PCDHGB6: variants seen among roughly 807,000 people sequenced by gnomAD.
PCDHGB6 encodes protocadherin gamma subfamily B, 6, also known as protocadherin gamma-B6.
PCDHGB6 carries 51 observed loss-of-function variants against 59.1 expected under a neutral mutation model. The observed-to-expected ratio is 0.86, with a 90% CI of 0.69 to 1.09. The LOEUF (loss-of-function observed/expected upper bound fraction) is 1.09. PCDHGB6 is among the 50% of genes least tolerant of loss of function. The probability of loss-of-function intolerance (pLI) is 0.00; values close to 1 mark genes in which losing one functional copy is unlikely to be tolerated. For synonymous variants in PCDHGB6, 466 were observed against 495.1 expected (o/e 0.94, Z 0.78); for missense variants, 1,148 against 1,205.1 (o/e 0.95, Z 0.70).
chr5:141,448,928 G>C (rs2098617520), intron 1 of PCDHGB6, among the ~76,000 whole-genome samples: 1 of 152,166 alleles, frequency 6.6e-6, no homozygotes, highest in Non-Finnish European at 1.5e-5. Context: ...CTGGGCGACA[G>C]AGCAAGACTG....
Position 141,489,351 on chromosome 5 carries a change from G to A in PCDHGB6, c.2419-5456G>A, listed in dbSNP as rs2099685862. ...GGCAGCTTCGTTACTCAGTGGTGGAGGAGTCTGAGCCGGGGACGCTGGTGG... is the reference window on the plus strand; with the variant it reads ...GGCAGCTTCGTTACTCAGTGGTGGAAGAGTCTGAGCCGGGGACGCTGGTGG... On this transcript the variant is annotated intron_variant, in intron 1 of 3. Transcript: ENST00000520790. This position sits in a 1 kb window ranked among gnomAD's most constrained non-coding sequence, Gnocchi z 4.5. The A allele has an allele frequency of 6.2e-7, 1 of 1,612,202 alleles. No individual in the cohort carries two copies. The highest frequency in any genetic ancestry group is 1.3e-5 in the African/African-American group (1 of 75,006).
chr5:141,499,570 A>G (rs1027373056), intron 2 of PCDHGB6, among the ~76,000 whole-genome samples: 2 of 152,200 alleles, frequency 1.3e-5, no homozygotes, highest in African/African-American at 4.8e-5. Context: ...TCCAGCTTCA[A>G]CTAATGCCTT....
chr5:141,411,724 A>G (rs2095509404), intron 1 of PCDHGB6: 1 of 152,684 alleles, frequency 6.5e-6, no homozygotes, highest in South Asian at 2.1e-4. Flanking sequence ...GCTACAGAAC[A>G]TTTAAAAATT....
chr5:141,436,277 T>G (rs2097806022), intron 1 of PCDHGB6, among the ~76,000 whole-genome samples: 1 of 152,194 alleles, frequency 6.6e-6, no homozygotes, highest in Non-Finnish European at 1.5e-5. Flanking sequence ...TAACTTGATT[T>G]AGGAACAAAT....
Position 141,478,507 on chromosome 5 carries a change from T to C in PCDHGB6, c.2419-16300T>C, listed in dbSNP as rs781120326. The C allele has an allele frequency of 4.3e-6, 7 of 1,612,048 alleles. No homozygotes were observed. In the East Asian group the frequency reaches 1.3e-4, roughly 31 times the overall value. On this transcript the variant is annotated intron_variant, in intron 1 of 3. Transcript: ENST00000520790. The stretch of plus-strand genomic sequence containing the variant: ...TGCGGAGCTGTGATCCGGTGTTCTA[T>C]AGGCAGGTGTTGGGTGCAGAGAGCG...
rs780310968 is a variant in PCDHGB6 at position 141,414,168 on chromosome 5, T to G, written c.2418+3548T>G. The G allele has an allele frequency of 5.6e-6, 9 of 1,605,598 alleles. No individual in the cohort carries two copies. The African/African-American group carries it at 1.2e-4, about 21-fold the overall frequency. ...TACAAGCAGAAGATGGAGGAGCATA[T>G]CTTGCAACTGCAAAAGTGTTGATTA... On this transcript the variant is annotated intron_variant, in intron 1 of 3. Coordinates refer to ENST00000520790, the MANE Select transcript of PCDHGB6 (RefSeq NM_018926.3).
At chr5:141,478,295 T>C (rs1210224121) in intron 1 of PCDHGB6, 5 of 1,614,004 alleles carry the variant, frequency 3.1e-6, no homozygotes, top group African/African-American at 2.7e-5. Flanking sequence ...TAGAGACCTA[T>C]ACCGAGCCCC....
At chr5:141,482,801 G>C (rs1230060558) in intron 1 of PCDHGB6, among the ~76,000 whole-genome samples, 1 of 152,176 alleles carries the variant, frequency 6.6e-6, no homozygotes, top group African/African-American at 2.4e-5. Flanking sequence ...GCCGGGTACG[G>C]TGGCTCATGC....
intron 2 of PCDHGB6, among the ~76,000 whole-genome samples, chr5:141,497,602 C>T (rs948023459): frequency 2.0e-5 from 3 of 148,260 alleles, no homozygotes; most frequent in East Asian, 2.0e-4. Flanking sequence ...TGCAGTGGTG[C>T]GATCTTGGCT....
chr5:141,438,627 T>TAC (rs2098030812), intron 1 of PCDHGB6, among the ~76,000 whole-genome samples: 3 of 48,012 alleles, frequency 6.2e-5, no homozygotes, highest in Non-Finnish European at 1.0e-4. Flanking sequence ...TATATATATA[T>TAC]ATATATATAC....
At position 141,409,850 on chromosome 5, in the gene PCDHGB6, G is replaced by T. The variant is rs1301108879; in HGVS notation, c.1648G>T (p.Val550Leu). 6.2e-7 allele frequency: 1 copy of T among 1,612,142 alleles called. No homozygotes were observed. Among genetic ancestry groups the T allele is most frequent in the South Asian group, 1.1e-5 (1 of 90,982 alleles). Residue 550 changes from valine to leucine, a missense_variant, in exon 1 of 4, where the codon GTG (valine) becomes TTG (leucine). Coordinates refer to ENST00000520790, the MANE Select transcript of PCDHGB6 (RefSeq NM_018926.3). ...PTLSANVSLR[V>L]LVGDRNDNAP... The stretch of plus-strand genomic sequence containing the variant: ...GCTCAGCGCCAACGTGAGCCTGCGC[G>T]TGTTGGTGGGAGACCGCAATGACAA...
intron 1 of PCDHGB6, chr5:141,419,816 C>T (rs910172118): frequency 1.2e-6 from 2 of 1,614,058 alleles, no homozygotes; most frequent in Non-Finnish European, 8.5e-7. Context: ...AGGACAGCCA[C>T]CCCTTTCAGC....
In PCDHGB6 at chr5:141,423,270, T is replaced by G. The variant is rs1304998648; in HGVS notation, c.2418+12650T>G. 3 of 1,613,686 alleles carry G rather than the reference T, an allele frequency of 1.9e-6. No homozygotes were observed. The African/African-American group carries it at 4.0e-5, about 22-fold the overall frequency. ...TGGCGGACCTCGGCAGCCTCGAGTC[T>G]CTGGCTAACTCTGAAACCTCAGACC... is the stretch of plus-strand genomic sequence containing the variant. On this transcript the variant is annotated intron_variant, in intron 1 of 3. Transcript: ENST00000520790.
rs751318430 is a variant in PCDHGB6 at position 141,485,603 on chromosome 5, G to A, written c.2419-9204G>A. 1 of 1,612,482 alleles carries A rather than the reference G, an allele frequency of 6.2e-7. No homozygotes were observed. The stretch of plus-strand genomic sequence containing the variant: ...GCAGCAGCTGGACTTGGAAATTGGG[G>A]AGGCAGCTCCTCCAGGACAGCGTTT... On this transcript the variant is annotated intron_variant, in intron 1 of 3. Coordinates refer to ENST00000520790, the MANE Select transcript of PCDHGB6 (RefSeq NM_018926.3). This position sits in a 1 kb window ranked among gnomAD's most constrained non-coding sequence, Gnocchi z 5.7.
chr5:141,476,661 T>G lies in PCDHGB6; in HGVS notation c.2419-18146T>G. 1.2e-6 allele frequency: 2 copies of G among 1,614,076 alleles called. No individual in the cohort carries two copies. The highest frequency in any genetic ancestry group is 1.7e-6 in the Non-Finnish European group (2 of 1,179,938). On this transcript the variant is annotated intron_variant, in intron 1 of 3. Coordinates refer to ENST00000520790, the MANE Select transcript of PCDHGB6 (RefSeq NM_018926.3). The surrounding 1 kb of genome is among the most constrained non-coding windows in gnomAD (Gnocchi z 7.6). Reference sequence around the variant, plus strand: ...CTGAGCCGAAATGAATACTTTGCGCTTCGCGTGCAGACGCGGGAGGACAGC... The same window carrying G: ...CTGAGCCGAAATGAATACTTTGCGCGTCGCGTGCAGACGCGGGAGGACAGC...
At chr5:141,413,855 C>G (rs2095686270) in intron 1 of PCDHGB6, 1 of 1,613,206 alleles carries the variant, frequency 6.2e-7, no homozygotes, top group African/African-American at 1.3e-5. Flanking sequence ...CCTCTCCGAT[C>G]TGGCACTGTC....
chr5:141,494,948 G>C (rs909146), intron 2 of PCDHGB6, 83 bp downstream of exon 2: 1 of 1,608,226 alleles, frequency 6.2e-7, no homozygotes, highest in South Asian at 1.1e-5. Flanking sequence ...GGAGGGCCCA[G>C]CATTTGCTAC....
At chr5:141,415,422 G>A (rs769839324) in intron 1 of PCDHGB6, 3 of 1,614,204 alleles carry the variant, frequency 1.9e-6, no homozygotes, top group East Asian at 2.2e-5. Context: ...GCGTGGACGG[G>A]GTTCGGGCTT....
In PCDHGB6 at chr5:141,408,782, T is replaced by G. The variant is rs1561715407; in HGVS notation, c.580T>G (p.Leu194Val). Residue 194 changes from leucine to valine, a missense_variant, in exon 1 of 4, where the codon TTA (leucine) becomes GTA (valine). By Grantham distance (32) the Leu-to-Val change is conservative (BLOSUM62 1). This residue lies in a region of PCDHGB6 where 307 missense variants were observed against 323.8 expected (regional missense o/e 0.95). Transcript: ENST00000520790. Reference protein sequence around the residue: ...VNSDGGKYPELSLEKLLDREE... With the variant: ...VNSDGGKYPEVSLEKLLDREE... ...TTCCGATGGTGGCAAATACCCAGAG[T>G]TATCTCTGGAGAAACTCCTAGACCG... is the stretch of plus-strand genomic sequence containing the variant. The G allele has an allele frequency of 6.2e-7, 1 of 1,612,108 alleles. No individual in the cohort carries two copies. The highest frequency in any genetic ancestry group is 2.2e-5 in the East Asian group (1 of 44,850).
Sources: gnomAD v4.1 joint callset for allele counts (sites outside exome capture counted in the v4.1 genomes callset) on GRCh38, gnomAD v4.1.1 for gene constraint, gnomAD v4.1.1 regional missense constraint, Gnocchi (gnomAD v3.1) non-coding constraint, MANE v1.5 for transcripts, NCBI Gene and HGNC (gene_info 2026-07-23, HGNC 2026-07-21) for gene names.